Variants in BDH1 observed in about 807,000 individuals in gnomAD.
BDH1 encodes the protein D-beta-hydroxybutyrate dehydrogenase, mitochondrial.
In BDH1, 30 loss-of-function variants were observed where a neutral mutation model predicts 33.1. The observed-to-expected ratio is 0.91, with a 90% CI of 0.68 to 1.23. The LOEUF is 1.23. BDH1 is among the 50% of genes most tolerant of loss of function. The pLI is 0.00. For synonymous variants in BDH1, 190 were observed against 183.6 expected, an observed-to-expected ratio of 1.03 and a Z score of -0.28; for missense variants, 443 against 464.4, an observed-to-expected ratio of 0.95 and a Z score of 0.42.
At chr3:197,533,420 G>T in intron 4 of BDH1, 69 bp downstream of exon 4, 1 of 1,517,278 alleles carries the variant, frequency 6.6e-7, no homozygotes, top group Non-Finnish European at 9.1e-7. Flanking sequence ...GGTAGCTCAG[G>T]GCCTAGGGGC....
intron 2 of BDH1, among the ~76,000 whole-genome samples, chr3:197,552,454 G>A (rs2108765405): frequency 6.6e-6 from 1 of 152,290 alleles, no homozygotes; most frequent in East Asian, 1.9e-4. Flanking sequence ...CCAAAATCTA[G>A]AGTTTGCCTA....
upstream of BDH1, among the ~76,000 whole-genome samples, chr3:197,560,530 G>C (rs1159886087): frequency 6.6e-6 from 1 of 152,218 alleles, no homozygotes; most frequent in Admixed American, 6.5e-5. Context: ...CAGCAGTAGG[G>C]CGGATGTGTC....
upstream of BDH1, among the ~76,000 whole-genome samples, chr3:197,556,640 C>G (rs1383888188): frequency 6.6e-6 from 1 of 152,234 alleles, no homozygotes; most frequent in Non-Finnish European, 1.5e-5. Flanking sequence ...TGCACTCTAG[C>G]CTGGGCGACA....
chr3:197,533,212 G>A (rs1382571346), intron 4 of BDH1, among the ~76,000 whole-genome samples: 1 of 143,108 alleles, frequency 7.0e-6, no homozygotes, highest in Non-Finnish European at 1.5e-5. Context: ...AACTTGCTGG[G>A]TGGGGCTGGG....
At position 197,555,790 on chromosome 3, in the gene BDH1, A is replaced by C. The variant is rs1258084286; in HGVS notation, c.-205T>G. 1.3e-5 allele frequency: 2 copies of C among 151,820 alleles called. No homozygotes were observed. The highest frequency in any genetic ancestry group is 4.8e-5 in the African/African-American group (2 of 41,348). 9.4% of individuals were successfully genotyped at this position (151,820 alleles called of 1,614,324 possible). ...GGACCCCTCCTCTTACCCAAAACCA[A>C]ATGGGCAGGGGGCTCCGCTGCAGAG... On this transcript the variant is annotated 5_prime_UTR_variant, in exon 1 of 8. It adds an upstream start codon to the 5' untranslated region. Transcript: ENST00000392379.
chr3:197,541,429 C>A (rs558192157), intron 3 of BDH1, among the ~76,000 whole-genome samples: 5 of 152,116 alleles, frequency 3.3e-5, no homozygotes, highest in Non-Finnish European at 7.3e-5. Flanking sequence ...GAGTTCTTAT[C>A]ATTTAGAGAT....
chr3:197,522,733 G>T lies in BDH1; in HGVS notation c.316C>A (p.Arg106=), dbSNP rs556792301. ...ACATTGAGCTGGACGGTTCTCAATC[G>T]GTCACTGTTTAGGCTGTCCAGCTCC... ...VKELDSLNSD[R]LRTVQLNVCS... Residue 106 remains arginine, a synonymous_variant, in exon 6 of 8, where the codon CGA becomes AGA. Coordinates refer to ENST00000392379, the MANE Select transcript of BDH1 (RefSeq NM_203314.3). The surrounding 1 kb of genome is among the most constrained non-coding windows in gnomAD (Gnocchi z 4.8). 3 of 1,614,142 alleles carry T rather than the reference G, an allele frequency of 1.9e-6. No homozygotes were observed. The highest frequency in any genetic ancestry group is 1.1e-5 in the South Asian group (1 of 91,084).
At position 197,522,572 on chromosome 3, in the gene BDH1, T is replaced by C; in HGVS notation, c.409+68A>G. 1.9e-6 allele frequency: 3 copies of C among 1,588,860 alleles called. No individual in the cohort carries two copies. The highest frequency in any genetic ancestry group is 2.6e-6 in the Non-Finnish European group (3 of 1,166,960). On this transcript the variant is annotated intron_variant, in intron 6 of 7. Coordinates refer to ENST00000392379, the MANE Select transcript of BDH1 (RefSeq NM_203314.3). The surrounding 1 kb of genome is among the most constrained non-coding windows in gnomAD (Gnocchi z 4.8). ...TGGCAGGATGCCAGCCAGTGGAAGG[T>C]GGTGTTCGGCAAGTGCCCCTTGGAA...
At chr3:197,564,280 A>G (rs1717360459) in intron 1 of BDH1, among the ~76,000 whole-genome samples, 1 of 152,128 alleles carries the variant, frequency 6.6e-6, no homozygotes, top group Non-Finnish European at 1.5e-5. Context: ...CAAGCATGTC[A>G]TGAACAGTCT....
chr3:197,543,725 A>G (rs1268425354), intron 3 of BDH1, among the ~76,000 whole-genome samples: 1 of 152,240 alleles, frequency 6.6e-6, no homozygotes, highest in Admixed American at 6.5e-5. Context: ...GAGCACAGGC[A>G]AAGTGCAGAC....
intron 3 of BDH1, chr3:197,538,481 A>T (rs1033466219): frequency 1.2e-5 from 5 of 430,646 alleles, no homozygotes; most frequent in African/African-American, 1.0e-4. Flanking sequence ...CCTCCTGAGT[A>T]GCCGGGACTA....
In BDH1 at chr3:197,532,438, G is replaced by A; in HGVS notation, c.241C>T (p.Leu81Phe). The change falls in exon 5 of 8, where the codon CTT (leucine) becomes TTT (phenylalanine). Residue 81 changes from leucine to phenylalanine, a missense_variant. Leu to Phe is a conservative substitution (Grantham distance 22, BLOSUM62 0). Coordinates refer to ENST00000392379, the MANE Select transcript of BDH1 (RefSeq NM_203314.3). ...LAKHLHSKGFLVFAGCLMKDK... is the reference protein window; with the variant it reads ...LAKHLHSKGFFVFAGCLMKDK... ...TTCATCAAGCAGCCAGCAAACACAA[G>A]GAAGCCTTTTGAATGCAGATGCTTG... The A allele has an allele frequency of 3.7e-6, 6 of 1,614,190 alleles. No homozygotes were observed. Among genetic ancestry groups the A allele is most frequent in the Non-Finnish European group, 5.1e-6 (6 of 1,179,994 alleles).
At chr3:197,539,969 G>A (rs182964316) in intron 3 of BDH1, among the ~76,000 whole-genome samples, 1 of 152,300 alleles carries the variant, frequency 6.6e-6, no homozygotes, top group East Asian at 1.9e-4. Context: ...TTCTGTCTAG[G>A]CAGTGAGCAA....
chr3:197,539,796 G>C (rs1194578589), intron 3 of BDH1, among the ~76,000 whole-genome samples: 2 of 152,288 alleles, frequency 1.3e-5, no homozygotes, highest in South Asian at 2.1e-4. Flanking sequence ...TCAACACTCT[G>C]TCACTGGCCT....
intron 3 of BDH1, among the ~76,000 whole-genome samples, chr3:197,539,963 G>A (rs1413455128): frequency 6.6e-6 from 1 of 152,186 alleles, no homozygotes; most frequent in African/African-American, 2.4e-5. Context: ...AACCGGTTCT[G>A]TCTAGGCAGT....
At chr3:197,524,282 C>G (rs1186270481) in intron 5 of BDH1, among the ~76,000 whole-genome samples, 2 of 152,226 alleles carry the variant, frequency 1.3e-5, no homozygotes, top group African/African-American at 4.8e-5. Context: ...CACTCGCCAG[C>G]CAAGGGCTTG....
At chr3:197,559,165 A>C (rs1427739904), upstream of BDH1, among the ~76,000 whole-genome samples, 1 of 151,854 alleles carries the variant, frequency 6.6e-6, no homozygotes, top group Non-Finnish European at 1.5e-5. Context: ...ACGCCCAGCT[A>C]ATTTTTGTAT....
In BDH1 at chr3:197,532,449, G is replaced by T; in HGVS notation, c.230C>A (p.Ser77Ter). 1 of 1,614,232 alleles carries T rather than the reference G, an allele frequency of 6.2e-7. No individual in the cohort carries two copies. Among genetic ancestry groups the T allele is most frequent in the Non-Finnish European group, 8.5e-7 (1 of 1,180,038 alleles). Residue 77 changes from serine (S) to a stop codon, truncating the protein, a stop_gained, in exon 5 of 8, where the codon TCA (serine) becomes TAA (stop). Coordinates refer to ENST00000392379, the MANE Select transcript of BDH1 (RefSeq NM_203314.3). LOFTEE classifies it high-confidence loss of function. ...GCCAGCAAACACAAGGAAGCCTTTT[G>T]AATGCAGATGCTTGGCCAATGAGAA... is the stretch of plus-strand genomic sequence containing the variant. ...FGFSLAKHLHSKGFLVFAGCL... is the reference protein window; with the variant it reads ...FGFSLAKHLH
At chr3:197,541,056 C>A (rs1340172997) in intron 3 of BDH1, among the ~76,000 whole-genome samples, 1 of 152,198 alleles carries the variant, frequency 6.6e-6, no homozygotes, top group African/African-American at 2.4e-5. Flanking sequence ...TACTCTAATT[C>A]CTCTTCCCTC....
Sources: allele counts gnomAD v4.1 joint callset (sites outside exome capture counted in the v4.1 genomes callset), GRCh38; gene constraint gnomAD v4.1.1; non-coding constraint Gnocchi (gnomAD v3.1); transcripts MANE v1.5; gene names NCBI Gene and HGNC (gene_info 2026-07-23, HGNC 2026-07-21).